Variants in DNAI4 observed in about 807,000 individuals in gnomAD.
The protein encoded by DNAI4 is WD repeat domain 78.
DNAI4 carries 85 observed loss-of-function variants against 105.8 expected under a neutral mutation model. The observed-to-expected ratio is 0.80, with a 90% CI of 0.67 to 0.96. DNAI4 has a LOEUF of 0.96. Among genes scored for constraint, DNAI4 ranks in the 40% least tolerant of loss-of-function variants. The pLI, the probability that DNAI4 is intolerant of heterozygous loss-of-function variation, is 0.00. For missense variants in DNAI4, 1,014 were observed against 1,005.6 expected (o/e 1.01, Z -0.11); for synonymous variants, 352 against 331.5 (o/e 1.06, Z -0.67).
intron 1 of DNAI4, 125 bp downstream of exon 1, chr1:66,924,537 A>G (rs991832328): frequency 6.2e-6 from 8 of 1,280,766 alleles, no homozygotes; most frequent in African/African-American, 6.0e-5. Context: ...AGGAGCTTCA[A>G]GGTCTACAGA....
chr1:66,821,097 T>A (rs1645616363), intron 16 of DNAI4, among the ~76,000 whole-genome samples: 1 of 78,748 alleles, frequency 1.3e-5, no homozygotes, highest in Non-Finnish European at 3.0e-5. Flanking sequence ...TTCTCTTTTT[T>A]TTTTTTTTTT....
chr1:66,862,507 C>T (rs575627040), intron 6 of DNAI4, among the ~76,000 whole-genome samples: 1 of 152,242 alleles, frequency 6.6e-6, no homozygotes, highest in East Asian at 1.9e-4. Flanking sequence ...ATGATGACAC[C>T]TGAGAATAAA....
At chr1:66,894,087 T>G (rs536373478) in intron 2 of DNAI4, among the ~76,000 whole-genome samples, 1 of 152,318 alleles carries the variant, frequency 6.6e-6, no homozygotes, top group South Asian at 2.1e-4. Flanking sequence ...CTTACGAAAC[T>G]ACACTTTTTA....
At chr1:66,839,725 C>T (rs187633218) in intron 9 of DNAI4, among the ~76,000 whole-genome samples, 45 of 152,238 alleles carry the variant, frequency 3.0e-4, no homozygotes, top group African/African-American at 1.0e-3. Flanking sequence ...ACATATAATT[C>T]TCCAACTTGA....
At position 66,871,164 on chromosome 1, in the gene DNAI4, A is replaced by G. The variant is rs2100656792; in HGVS notation, c.940+206T>C. On this transcript the variant is annotated intron_variant, in intron 6 of 16. Transcript: ENST00000371026. Reference sequence around the variant, plus strand: ...ATAGTATGCATAAAAACCAAGATGAATAATTATGTTATTCAAATCTATATA... The same window carrying G: ...ATAGTATGCATAAAAACCAAGATGAGTAATTATGTTATTCAAATCTATATA... 3 of 475,970 alleles carry G rather than the reference A, an allele frequency of 6.3e-6. No individual in the cohort carries two copies. The East Asian group carries it at 9.7e-5, about 15-fold the overall frequency. The allele number at this position is 475,970 out of a possible 1,614,324, so 29.5% of individuals were successfully genotyped here. A position where few individuals can be genotyped will look rare whatever the true frequency, so the allele number is the denominator to read the frequency against.
Position 66,862,044 on chromosome 1 carries a change from T to C in DNAI4, c.1096+103A>G, listed in dbSNP as rs1057157486. Reference sequence around the variant, plus strand: ...TATTTCTGAGTAAAAGTTGTACTTTTCATGGTCCATTAGAAAGAAAACATT... The same window carrying C: ...TATTTCTGAGTAAAAGTTGTACTTTCCATGGTCCATTAGAAAGAAAACATT... On this transcript the variant is annotated intron_variant, in intron 7 of 16. Coordinates refer to ENST00000371026, the MANE Select transcript of DNAI4 (RefSeq NM_024763.5). 8.8e-6 allele frequency: 10 copies of C among 1,131,988 alleles called. No individual in the cohort carries two copies. The African/African-American group carries it at 1.3e-4, about 15-fold the overall frequency. The allele number at this position is 1,131,988 out of a possible 1,614,324, so 70.1% of individuals were successfully genotyped here.
At chr1:66,893,063 G>GAGAGAGAGAGAGAAAGAAAGAAAGAA (rs879150798) in intron 3 of DNAI4, among the ~76,000 whole-genome samples, 166 bp downstream of exon 3, 1 of 89,540 alleles carries the variant, frequency 1.1e-5, no homozygotes, top group African/African-American at 4.9e-5. Flanking sequence ...AAGAGAGAGA[G>GAGAGAGAGAGAGAAAGAAAGAAAGAA]AGAAAGAAAG....
intron 4 of DNAI4, among the ~76,000 whole-genome samples, chr1:66,879,203 C>A (rs1393966104): frequency 6.6e-6 from 1 of 152,176 alleles, no homozygotes; most frequent in African/African-American, 2.4e-5. Context: ...CTCTTCAAGG[C>A]CCTGCTACCG....
chr1:66,834,771 C>A (rs1237341112), intron 11 of DNAI4, among the ~76,000 whole-genome samples: 1 of 152,042 alleles, frequency 6.6e-6, no homozygotes, highest in South Asian at 2.1e-4. Context: ...TTAATACAAA[C>A]CCTCCAATGA....
At chr1:66,892,275 G>A (rs1336850737) in intron 3 of DNAI4, among the ~76,000 whole-genome samples, 4 of 152,126 alleles carry the variant, frequency 2.6e-5, no homozygotes, top group South Asian at 2.1e-4. Context: ...TCAGAGGCAA[G>A]CTCCAGAGAA....
At chr1:66,853,121 G>GT (rs1646430963) in intron 7 of DNAI4, among the ~76,000 whole-genome samples, 1 of 152,120 alleles carries the variant, frequency 6.6e-6, no homozygotes, top group Non-Finnish European at 1.5e-5. Flanking sequence ...CAGCAAAAAC[G>GT]TATTACTCAC....
intron 7 of DNAI4, among the ~76,000 whole-genome samples, chr1:66,849,226 C>T (rs1012851538): frequency 6.6e-6 from 1 of 152,136 alleles, no homozygotes; most frequent in South Asian, 2.1e-4. Flanking sequence ...TCAGTGTAGG[C>T]CACATGTGTA....
At chr1:66,858,250 C>T (rs1461740133) in intron 7 of DNAI4, among the ~76,000 whole-genome samples, 2 of 151,856 alleles carry the variant, frequency 1.3e-5, no homozygotes, top group Admixed American at 1.3e-4. Context: ...CAAAAATTGG[C>T]CGGGCGCGGT....
intron 7 of DNAI4, among the ~76,000 whole-genome samples, chr1:66,861,312 A>C (rs967647823): frequency 6.6e-6 from 1 of 152,212 alleles, no homozygotes; most frequent in Non-Finnish European, 1.5e-5. Flanking sequence ...AAAAAAATGT[A>C]TCAGGTTTTA....
chr1:66,836,202 AAGAAAGAGAG>A (rs1412911610), intron 10 of DNAI4, among the ~76,000 whole-genome samples: 3,373 of 50,910 alleles, frequency 0.066, 172 homozygotes, highest in Non-Finnish European at 0.09. Flanking sequence ...GAAAGAAAGA[AAGAAAGAGAG>A]AGAGAGAGAG....
intron 7 of DNAI4, among the ~76,000 whole-genome samples, chr1:66,850,190 C>T (rs1289534903): frequency 6.7e-6 from 1 of 149,616 alleles, no homozygotes; most frequent in African/African-American, 2.5e-5. Context: ...GAAATGACAC[C>T]TTATCTTTAG....
At chr1:66,916,098 A>AG (rs1317579967) in intron 1 of DNAI4, among the ~76,000 whole-genome samples, 13 of 151,540 alleles carry the variant, frequency 8.6e-5, no homozygotes, top group African/African-American at 3.1e-4. Flanking sequence ...AAAAAAAAAA[A>AG]AAAAGAATCC....
chr1:66,910,245 T>A (rs1395836030), intron 1 of DNAI4, among the ~76,000 whole-genome samples: 1 of 152,000 alleles, frequency 6.6e-6, no homozygotes, highest in East Asian at 1.9e-4. Flanking sequence ...TAAAATAAAA[T>A]AAAAATAAAT....
intron 3 of DNAI4, 134 bp downstream of exon 3, chr1:66,893,095 A>AAGAAAGAAAGAAAGAAAG: frequency 2.3e-6 from 1 of 432,944 alleles, no homozygotes; most frequent in African/African-American, 2.1e-5. Context: ...GAAAGAAAGA[A>AAGAAAGAAAGAAAGAAAG]AGAAAGAAAG....
Sources: allele counts gnomAD v4.1 joint callset (sites outside exome capture counted in the v4.1 genomes callset), GRCh38; gene constraint gnomAD v4.1.1; transcripts MANE v1.5; gene names NCBI Gene and HGNC (gene_info 2026-07-23, HGNC 2026-07-21).